The following CSMD1 variants were observed in gnomAD, a reference collection of about 807,000 sequenced individuals.
CSMD1 encodes the protein CUB and Sushi multiple domains 1.
CSMD1 carries 213 observed loss-of-function variants against 417.5 expected under a neutral mutation model. The observed-to-expected ratio is 0.51, with a 90% confidence interval of 0.46 to 0.57. The LOEUF is 0.57. CSMD1 is among the 20% of genes least tolerant of loss of function. The probability of loss-of-function intolerance (pLI) is 0.00; values close to 1 mark genes in which losing one functional copy is unlikely to be tolerated. For missense variants in CSMD1, 6,923 were observed against 4,529.7 expected, an observed-to-expected ratio of 1.53 and a Z score of -15.17; for synonymous variants, 2,862 against 1,736.8, an observed-to-expected ratio of 1.65 and a Z score of -16.11.
chr8:3,269,995 G>C (rs35814795), intron 26 of CSMD1, among the ~76,000 whole-genome samples: 1 of 150,528 alleles, frequency 6.6e-6, no homozygotes, highest in African/African-American at 2.4e-5. Flanking sequence ...CCATCAACAT[G>C]CACGTAGACA....
intron 2 of CSMD1, among the ~76,000 whole-genome samples, chr8:4,576,471 G>T (rs1263883007): frequency 2.0e-5 from 3 of 152,156 alleles, no homozygotes; most frequent in African/African-American, 7.2e-5. Flanking sequence ...TGGCTGGAAG[G>T]TATATATTTT....
intron 3 of CSMD1, among the ~76,000 whole-genome samples, chr8:4,190,566 G>C (rs556787392): frequency 1.3e-5 from 2 of 149,806 alleles, no homozygotes; most frequent in African/African-American, 4.9e-5. Context: ...AACTGAAAGA[G>C]ACTCTGATGA....
In CSMD1 at chr8:4,884,955, A is replaced by G. The variant is rs556260529; in HGVS notation, c.85+109377T>C. On this transcript the variant is annotated intron_variant, in intron 1 of 69. Coordinates refer to ENST00000635120, the MANE Select transcript of CSMD1 (RefSeq NM_033225.6). ...CTTAACTGAAGATTGCTGTAGCAAT[A>G]TGAAATCTCCCAACACAGAAATTCA... Among the ~76,000 whole-genome samples the G allele has an allele frequency of 1.2e-3, 179 of 152,286 alleles. 1 individual carries two copies. Among genetic ancestry groups the G allele is most frequent in the Non-Finnish European group, 1.8e-3 (125 of 68,006 alleles).
chr8:4,791,979 G>T (rs1379270856), intron 1 of CSMD1, among the ~76,000 whole-genome samples: 2 of 151,272 alleles, frequency 1.3e-5, no homozygotes, highest in Non-Finnish European at 2.9e-5. Flanking sequence ...TTATCCAAGT[G>T]TCCTTTATAG....
At chr8:4,552,334 CT>C (rs796555284) in intron 2 of CSMD1, among the ~76,000 whole-genome samples, 16 of 149,910 alleles carry the variant, frequency 1.1e-4, no homozygotes, top group South Asian at 2.1e-4. Context: ...ATCTCACATT[CT>C]TTTTTTTTTC....
intron 26 of CSMD1, among the ~76,000 whole-genome samples, chr8:3,258,148 A>T (rs1800796620): frequency 6.6e-6 from 1 of 152,206 alleles, no homozygotes; most frequent in Non-Finnish European, 1.5e-5. Context: ...GAGAATGAAC[A>T]GGGTAAACAG....
At chr8:4,656,024 C>A (rs898441077) in intron 1 of CSMD1, among the ~76,000 whole-genome samples, 2 of 151,990 alleles carry the variant, frequency 1.3e-5, no homozygotes, top group Non-Finnish European at 2.9e-5. Context: ...ACTGCATGCT[C>A]TGTTGGGAGA....
chr8:3,438,111 A>G (rs963318100), intron 12 of CSMD1, among the ~76,000 whole-genome samples: 4 of 152,334 alleles, frequency 2.6e-5, no homozygotes, highest in Non-Finnish European at 5.9e-5. Flanking sequence ...AAATTATTTG[A>G]ATATTCAGGT....
chr8:3,037,573 T>C (rs1810776783), intron 50 of CSMD1, among the ~76,000 whole-genome samples: 1 of 152,172 alleles, frequency 6.6e-6, no homozygotes, highest in Non-Finnish European at 1.5e-5. Context: ...TGCATGTGTC[T>C]TTTCCACAGA....
At chr8:3,966,177 G>A (rs375197971) in intron 5 of CSMD1, among the ~76,000 whole-genome samples, 1 of 152,154 alleles carries the variant, frequency 6.6e-6, no homozygotes, top group Non-Finnish European at 1.5e-5. Context: ...AGGAGAAAAT[G>A]TCTAAGGTAC....
chr8:4,986,987 T>A (rs1811211169), intron 1 of CSMD1, among the ~76,000 whole-genome samples: 1 of 152,204 alleles, frequency 6.6e-6, no homozygotes, highest in South Asian at 2.1e-4. Flanking sequence ...ATAATGTTTA[T>A]ATACAGATAA....
chr8:3,303,969 G>A lies in CSMD1; in HGVS notation c.3950+3726C>T, dbSNP rs560424344. On this transcript the variant is annotated intron_variant, in intron 25 of 69. Coordinates refer to ENST00000635120, the MANE Select transcript of CSMD1 (RefSeq NM_033225.6). ...GCCCCATTATAATAACTATTTTGGG[G>A]TATTCGATTACCTCAAACAAAGAGG... 2.7e-3 allele frequency among the ~76,000 whole-genome samples: 380 copies of A among 139,920 alleles called. 1 individual carries two copies. Among genetic ancestry groups the A allele is most frequent in the Non-Finnish European group, 4.9e-3 (309 of 62,570 alleles). 91.8% of individuals were successfully genotyped at this position (139,920 alleles called of 152,430 possible). A position where few individuals can be genotyped will look rare whatever the true frequency, so the allele number is the denominator to read the frequency against.
intron 12 of CSMD1, among the ~76,000 whole-genome samples, chr8:3,459,432 G>A (rs997212822): frequency 2.6e-5 from 4 of 152,152 alleles, no homozygotes; most frequent in African/African-American, 9.7e-5. Flanking sequence ...ACAGGAATAT[G>A]CACTTTTAAG....
At chr8:4,585,255 G>C (rs1299548730) in intron 2 of CSMD1, among the ~76,000 whole-genome samples, 1 of 152,152 alleles carries the variant, frequency 6.6e-6, no homozygotes, top group Non-Finnish European at 1.5e-5. Context: ...AAAGACTGGA[G>C]TCACATGGAA....
intron 3 of CSMD1, among the ~76,000 whole-genome samples, chr8:4,153,846 A>C (rs575416650): frequency 6.6e-6 from 1 of 152,308 alleles, no homozygotes; most frequent in Admixed American, 6.5e-5. Context: ...GCAAGTGGTG[A>C]CCGTAGCTAT....
chr8:3,683,225 AT>A (rs1281800769), intron 7 of CSMD1, among the ~76,000 whole-genome samples: 1 of 151,554 alleles, frequency 6.6e-6, no homozygotes, highest in Non-Finnish European at 1.5e-5. Context: ...AAATTAAAAA[AT>A]AAAATAATAA....
intron 8 of CSMD1, among the ~76,000 whole-genome samples, chr8:3,598,089 A>T (rs745818151): frequency 1.3e-5 from 2 of 152,186 alleles, no homozygotes; most frequent in South Asian, 2.1e-4. Flanking sequence ...ACCTTATATT[A>T]ATCTTGGGTC....
At chr8:3,990,473 TTC>T (rs1188317954) in intron 5 of CSMD1, among the ~76,000 whole-genome samples, 27 of 152,172 alleles carry the variant, frequency 1.8e-4, no homozygotes, top group Non-Finnish European at 4.4e-5. Context: ...TGTTTTCTTC[TTC>T]TCTGTTACTC....
chr8:3,658,370 C>G (rs1798234618), intron 7 of CSMD1, among the ~76,000 whole-genome samples: 1 of 151,222 alleles, frequency 6.6e-6, no homozygotes, highest in South Asian at 2.1e-4. Context: ...ATAAGAATTA[C>G]TCTTTTTATT....
Sources: allele counts gnomAD v4.1 joint callset (sites outside exome capture counted in the v4.1 genomes callset), GRCh38; gene constraint gnomAD v4.1.1; transcripts MANE v1.5; gene names NCBI Gene and HGNC (gene_info 2026-07-23, HGNC 2026-07-21).